The following MED23 variants were observed in gnomAD, a reference collection of about 807,000 sequenced individuals.
MED23 encodes mediator complex subunit 23.
MED23 carries 105 observed loss-of-function variants against 163.9 expected under a neutral mutation model. The observed-to-expected ratio is 0.64, with a 90% CI of 0.55 to 0.75. The LOEUF is 0.75. MED23 is among the 30% of genes least tolerant of loss of function. The pLI is 0.00. For synonymous variants in MED23, 561 were observed against 565.6 expected (o/e 0.99, Z 0.12); for missense variants, 1,054 against 1,649.0 (o/e 0.64, Z 6.25).
At chr6:131,576,818 GT>G in intron 30 of MED23, 1 of 1,235,524 alleles carries the variant, frequency 8.1e-7, no homozygotes, top group African/African-American at 1.5e-5. Context: ...CCTGGAGTGT[GT>G]CTGGAATATT....
chr6:131,615,503 CAAA>C (rs917020235), intron 10 of MED23, among the ~76,000 whole-genome samples: 9 of 14,158 alleles, frequency 6.4e-4, no homozygotes, highest in African/African-American at 2.7e-3. Flanking sequence ...AAACACACAC[CAAA>C]AAAAAAAAAA....
At chr6:131,582,793 T>G (rs919674483), downstream of MED23, 27 of 1,217,718 alleles carry the variant, frequency 2.2e-5, no homozygotes, top group Non-Finnish European at 3.2e-5. Flanking sequence ...ACCAACTCTA[T>G]GAGAGAAAAT....
At chr6:131,626,972 C>T in intron 3 of MED23, 2 of 156,848 alleles carry the variant, frequency 1.3e-5, no homozygotes, top group South Asian at 1.9e-4. Context: ...TTTTCCTATC[C>T]TTATTATAGA....
chr6:131,601,907 T>G (rs1053930818), intron 17 of MED23, among the ~76,000 whole-genome samples: 1 of 152,060 alleles, frequency 6.6e-6, no homozygotes, highest in African/African-American at 2.4e-5. Flanking sequence ...ATAATCCATA[T>G]AAACAGAAAC....
chr6:131,587,396 T>A lies in MED23; in HGVS notation c.*283A>T, dbSNP rs1774247649. 1 of 1,218,862 alleles carries A rather than the reference T, an allele frequency of 8.2e-7. No individual in the cohort carries two copies. The highest frequency in any genetic ancestry group is 4.1e-5 in the Admixed American group (1 of 24,302). The allele number at this position is 1,218,862 out of a possible 1,614,324, so 75.5% of individuals were successfully genotyped here. On this transcript the variant is annotated 3_prime_UTR_variant, in exon 29 of 29. Transcript: ENST00000368068. ...AAAGACTGAAAGTGCCAATGACAAG[T>A]CATTTGATCACAGATACCTCTATGT...
Position 131,587,820 on chromosome 6 carries a change from T to A in MED23, c.3966A>T (p.Lys1322Asn). 3 of 1,613,746 alleles carry A rather than the reference T, an allele frequency of 1.9e-6. No homozygotes were observed. Among genetic ancestry groups the A allele is most frequent in the Non-Finnish European group, 2.5e-6 (3 of 1,179,776 alleles). The change falls in exon 29 of 29, where the codon AAA becomes AAT. Residue 1322 changes from lysine (K) to asparagine (N), a missense_variant. Transcript: ENST00000368068. ...EQVEKIICNL[K>N]PALKLRLRFI... ...ATCGAAGACGAAGTTTTAAAGCTGGTTTTAAGTTACAGATAATCTTCTCTA... is the reference window on the plus strand; with the variant it reads ...ATCGAAGACGAAGTTTTAAAGCTGGATTTAAGTTACAGATAATCTTCTCTA...
rs1313352690 is a variant in MED23, at chr6:131,621,934, T to C, written c.442A>G (p.Ile148Val). 3 of 1,613,696 alleles carry C rather than the reference T, an allele frequency of 1.9e-6. No individual in the cohort carries two copies. Among genetic ancestry groups the C allele is most frequent in the East Asian group, 2.2e-5 (1 of 44,840 alleles). The change falls in exon 6 of 29, where the codon ATT (isoleucine) becomes GTT (valine). Residue 148 changes from isoleucine to valine, a missense_variant. Physicochemically the swap from Ile to Val is conservative, Grantham distance 29. Around this residue, in one of 11 missense-constraint regions of MED23, gnomAD observed 227 missense variants for 235.5 expected, o/e 0.96. Coordinates refer to ENST00000368068, the MANE Select transcript of MED23 (RefSeq NM_004830.4). ...ACAGCAGAGCTCACTGTATTAGGAATTGTCAAAATCTTCTCCAAAATCACT... is the reference window on the plus strand; with the variant it reads ...ACAGCAGAGCTCACTGTATTAGGAACTGTCAAAATCTTCTCCAAAATCACT... ...LKVILEKILTIPNTVSSAVVQ... is the reference protein window; with the variant it reads ...LKVILEKILTVPNTVSSAVVQ...
chr6:131,591,280 C>A (rs369037334), intron 26 of MED23, 33 bp downstream of exon 26: 3 of 1,542,404 alleles, frequency 1.9e-6, no homozygotes, highest in Middle Eastern at 3.6e-4. Context: ...ACCCAGCCTA[C>A]GTCAAATTTC....
chr6:131,584,577 T>C (rs17184300), downstream of MED23, among the ~76,000 whole-genome samples: 16,967 of 152,158 alleles, frequency 0.11, 1,017 homozygotes, highest in Middle Eastern at 0.19. Flanking sequence ...GTTTGGGCAA[T>C]CTACAAGTTC....
Position 131,590,412 on chromosome 6 carries a change from C to T in MED23, c.3717G>A (p.Val1239=), listed in dbSNP as rs762096003. The T allele has an allele frequency of 3.7e-6, 6 of 1,607,628 alleles. No individual in the cohort carries two copies. Among genetic ancestry groups the T allele is most frequent in the Non-Finnish European group, 4.3e-6 (5 of 1,174,386 alleles). ...KFLTEVLLPI[V]KTEFQLLYVY... Reference sequence around the variant, plus strand: ...CATAAAGCAACTGGAATTCGGTCTTCACTATAGGAAGAAGTACTTCAGTAA... The same window carrying T: ...CATAAAGCAACTGGAATTCGGTCTTTACTATAGGAAGAAGTACTTCAGTAA... The change falls in exon 27 of 29, where the codon GTG becomes GTA. Residue 1239 remains valine (V), a synonymous_variant. Transcript: ENST00000368068.
chr6:131,593,211 C>A (rs1235325191), intron 23 of MED23, 40 bp from the exon 24 acceptor site: 2 of 1,611,774 alleles, frequency 1.2e-6, no homozygotes, highest in Admixed American at 1.7e-5. Context: ...ACTATCTCAT[C>A]TGATTGTCAA....
rs1776003239 is a variant in MED23 at position 131,608,274 on chromosome 6, T to TTA, written c.1078-205_1078-204dup. 2.0e-5 allele frequency among the ~76,000 whole-genome samples: 3 copies of TTA among 152,084 alleles called. No individual in the cohort carries two copies. In the South Asian group the frequency reaches 6.2e-4, roughly 32 times the overall value. On this transcript the variant is annotated intron_variant, in intron 11 of 28. Transcript: ENST00000368068. ...CAAAACCTGCTAAATTATTTTAATA[T>TTA]TATATATATGCTTATTTCCTGCTCC... is the stretch of plus-strand genomic sequence containing the variant.
At chr6:131,607,826 A>G (rs1775971942) in intron 12 of MED23, 102 bp downstream of exon 12, 1 of 1,313,960 alleles carries the variant, frequency 7.6e-7, no homozygotes, top group African/African-American at 1.5e-5. Context: ...GTGATTTAGC[A>G]TAAACTTTAG....
Position 131,587,550 on chromosome 6 carries a change from A to T in MED23, c.*129T>A. The T allele has an allele frequency of 1.3e-6, 2 of 1,530,086 alleles. No individual in the cohort carries two copies. The highest frequency in any genetic ancestry group is 2.5e-5 in the South Asian group (2 of 80,482). 94.8% of individuals were successfully genotyped at this position (1,530,086 alleles called of 1,614,324 possible). A position where few individuals can be genotyped will look rare whatever the true frequency, so the allele number is the denominator to read the frequency against. ...CAACAGATTCATCATTTGAATCAAA[A>T]TAAAACAATCTGAATATCATCACTG... is the stretch of plus-strand genomic sequence containing the variant. On this transcript the variant is annotated 3_prime_UTR_variant, in exon 29 of 29. Transcript: ENST00000368068.
At chr6:131,609,950 T>G in intron 11 of MED23, 96 bp downstream of exon 11, 1 of 1,187,896 alleles carries the variant, frequency 8.4e-7, no homozygotes, top group Non-Finnish European at 1.3e-6. Context: ...GCTCAGAACT[T>G]CTGTCAGTTC....
rs867049420 is a variant in MED23 at position 131,605,465 on chromosome 6, C to G, written c.1388G>C (p.Arg463Thr). 22 of 1,601,036 alleles carry G rather than the reference C, an allele frequency of 1.4e-5. 1 individual carries two copies. In the Middle Eastern group the frequency reaches 3.7e-3, roughly 268 times the overall value. The change falls in exon 14 of 29, where the codon AGA (arginine) becomes ACA (threonine). Residue 463 changes from arginine (R) to threonine (T), a missense_variant. Arg to Thr is a moderately conservative substitution (Grantham distance 71). Coordinates refer to ENST00000368068, the MANE Select transcript of MED23 (RefSeq NM_004830.4). Reference protein sequence around the residue: ...LHHEFLQQSLRNKSLQMNDYK... With the variant: ...LHHEFLQQSLTNKSLQMNDYK... ...GTCATTCATCTGTAAACTTTTATTT[C>G]TTAGACTCTGCTGCAGGAACCTAAA...
At chr6:131,626,138 A>G (rs1300713036) in intron 3 of MED23, among the ~76,000 whole-genome samples, 1 of 151,340 alleles carries the variant, frequency 6.6e-6, no homozygotes, top group East Asian at 1.9e-4. Context: ...AAAAAAAAAA[A>G]AAGAAAAGAA....
At chr6:131,603,001 T>C in intron 16 of MED23, 29 bp downstream of exon 16, 5 of 1,610,470 alleles carry the variant, frequency 3.1e-6, no homozygotes, top group Non-Finnish European at 3.4e-6. Context: ...TAATAAATCT[T>C]AAGGAAAGAT....
intron 20 of MED23, among the ~76,000 whole-genome samples, chr6:131,597,497 A>AAG (rs1775151403): frequency 6.7e-6 from 1 of 149,368 alleles, no homozygotes; most frequent in Non-Finnish European, 1.5e-5. Flanking sequence ...AAAAAAAAAA[A>AAG]GAAAAAAAAA....
Sources: gnomAD v4.1 joint callset for allele counts (sites outside exome capture counted in the v4.1 genomes callset) on GRCh38, gnomAD v4.1.1 for gene constraint, gnomAD v4.1.1 regional missense constraint, MANE v1.5 for transcripts, NCBI Gene and HGNC (gene_info 2026-07-23, HGNC 2026-07-21) for gene names.